The following BPIFC variants were observed in gnomAD, a reference collection of about 807,000 sequenced individuals.
The protein encoded by BPIFC is BPI fold containing family C.
BPIFC carries 60 observed loss-of-function variants against 57.6 expected under a neutral mutation model. That is an observed-to-expected ratio of 1.04 (90% CI 0.85 to 1.29). The LOEUF (loss-of-function observed/expected upper bound fraction) is 1.29. Among genes scored for constraint, BPIFC ranks in the 50% most tolerant of loss-of-function variants. BPIFC has a pLI of 0.00. For synonymous variants in BPIFC, 243 were observed against 224.5 expected (o/e 1.08, Z -0.74); for missense variants, 581 against 600.5 (o/e 0.97, Z 0.34).
intron 14 of BPIFC, among the ~76,000 whole-genome samples, chr22:32,417,451 G>A (rs1933715496): frequency 6.6e-6 from 1 of 152,176 alleles, no homozygotes; most frequent in Non-Finnish European, 1.5e-5. Flanking sequence ...AGGATTACAG[G>A]TGGGAGCCAC....
chr22:32,460,571 A>T (rs545808751), intron 2 of BPIFC, among the ~76,000 whole-genome samples: 130 of 152,232 alleles, frequency 8.5e-4, no homozygotes, highest in African/African-American at 3.1e-3. Context: ...ATCCAGCCAA[A>T]CTGAACTACT....
chr22:32,431,531 T>G (rs1456972090), intron 12 of BPIFC, 117 bp from the exon 13 acceptor site: 2 of 693,152 alleles, frequency 2.9e-6, no homozygotes, highest in Non-Finnish European at 4.9e-6. Context: ...TGTAAAGACA[T>G]TGGAAGTCTA....
intron 3 of BPIFC, 143 bp downstream of exon 3, chr22:32,457,120 G>T: frequency 1.1e-6 from 1 of 912,858 alleles, no homozygotes; most frequent in Non-Finnish European, 1.6e-6. Context: ...AGCCATCTTA[G>T]CAGTTTCTGC....
intron 10 of BPIFC, among the ~76,000 whole-genome samples, chr22:32,434,667 A>G (rs1219290497): frequency 6.6e-6 from 1 of 152,164 alleles, no homozygotes; most frequent in African/African-American, 2.4e-5. Context: ...TGCTTAAGGA[A>G]TTTACCTTCA....
intron 10 of BPIFC, 54 bp downstream of exon 10, chr22:32,435,650 T>C (rs1934368688): frequency 6.5e-7 from 1 of 1,549,238 alleles, no homozygotes. Flanking sequence ...ATAGGATACT[T>C]ATAAAAAGGC....
intron 8 of BPIFC, among the ~76,000 whole-genome samples, chr22:32,439,406 C>T (rs1036299721): frequency 6.6e-6 from 1 of 151,998 alleles, no homozygotes; most frequent in African/African-American, 2.4e-5. Flanking sequence ...TCAGGTTTCC[C>T]ACTCGGCTTT....
chr22:32,455,603 C>T (rs925707094), intron 3 of BPIFC, among the ~76,000 whole-genome samples: 1 of 152,032 alleles, frequency 6.6e-6, no homozygotes, highest in Non-Finnish European at 1.5e-5. Context: ...GTAACTTGCC[C>T]GAGAGCCCAC....
At chr22:32,458,467 T>C (rs1430172167) in intron 2 of BPIFC, among the ~76,000 whole-genome samples, 1 of 152,236 alleles carries the variant, frequency 6.6e-6, no homozygotes, top group Non-Finnish European at 1.5e-5. Context: ...CTTTATTTTC[T>C]CCAAAGCACT....
chr22:32,438,989 GAAGTC>G (rs1237072325), intron 8 of BPIFC, among the ~76,000 whole-genome samples: 1 of 152,128 alleles, frequency 6.6e-6, no homozygotes, highest in African/African-American at 2.4e-5. Context: ...GAATAAAGCA[GAAGTC>G]AAGGGGACCA....
chr22:32,433,764 G>T lies in BPIFC; in HGVS notation c.933C>A (p.Asn311Lys). Residue 311 changes from asparagine to lysine, a missense_variant, in exon 11 of 17, where the codon AAC becomes AAA. By Grantham distance (94) the Asn-to-Lys change is moderately conservative. Coordinates refer to ENST00000300399, the MANE Select transcript of BPIFC (RefSeq NM_174932.3). ...NVTLSTEEISNHFVQNSQGLG... is the reference protein window; with the variant it reads ...NVTLSTEEISKHFVQNSQGLG... Reference sequence around the variant, plus strand: ...GGCCTTGAGAGTTTTGAACAAAATGGTTGGAAATCTGGAAAATAAAGCCCA... The same window carrying T: ...GGCCTTGAGAGTTTTGAACAAAATGTTTGGAAATCTGGAAAATAAAGCCCA... 6.2e-7 allele frequency: 1 copy of T among 1,613,862 alleles called. No homozygotes were observed. Among genetic ancestry groups the T allele is most frequent in the South Asian group, 1.1e-5 (1 of 91,076 alleles).
intron 7 of BPIFC, among the ~76,000 whole-genome samples, chr22:32,443,031 G>C (rs947154124): frequency 2.6e-5 from 4 of 152,186 alleles, no homozygotes; most frequent in African/African-American, 4.8e-5. Context: ...ATGCGTCCCA[G>C]TCCATGCTGT....
intron 2 of BPIFC, among the ~76,000 whole-genome samples, chr22:32,459,353 AC>A (rs1193989943): frequency 6.6e-6 from 1 of 152,054 alleles, no homozygotes; most frequent in Non-Finnish European, 1.5e-5. Context: ...ACATGGCAGG[AC>A]CCCATCTCTA....
chr22:32,442,600 G>C (rs1934595175), intron 8 of BPIFC, 71 bp downstream of exon 8: 1 of 1,492,592 alleles, frequency 6.7e-7, no homozygotes, highest in African/African-American at 1.4e-5. Flanking sequence ...GCCTTGAAAA[G>C]CAAACCCAGG....
At chr22:32,463,314 G>T (rs1935201688) in intron 1 of BPIFC, among the ~76,000 whole-genome samples, 1 of 152,122 alleles carries the variant, frequency 6.6e-6, no homozygotes, top group African/African-American at 2.4e-5. Context: ...CCTGTTAAAA[G>T]GATCCAAGAT....
chr22:32,453,513 A>G lies in BPIFC; in HGVS notation c.125-10T>C, dbSNP rs1252054586. 6.4e-7 allele frequency: 1 copy of G among 1,569,764 alleles called. No homozygotes were observed. The highest frequency in any genetic ancestry group is 2.1e-5 in the Admixed American group (1 of 48,294). Reference sequence around the variant, plus strand: ...ATTCCAGCTTGAACACCTGTGAAGGAAACAAGAAAGAATCTGTTGATAATG... The same window carrying G: ...ATTCCAGCTTGAACACCTGTGAAGGGAACAAGAAAGAATCTGTTGATAATG... On this transcript the variant is annotated splice_polypyrimidine_tract_variant and intron_variant, in intron 3 of 16. Transcript: ENST00000300399.
intron 16 of BPIFC, 98 bp downstream of exon 16, chr22:32,415,817 A>G: frequency 1.2e-6 from 1 of 838,194 alleles, no homozygotes; most frequent in Non-Finnish European, 1.7e-6. Context: ...AAGCAGGACA[A>G]AAACAAACAA....
chr22:32,433,523 A>C (rs1173929800), intron 11 of BPIFC, among the ~76,000 whole-genome samples, 196 bp downstream of exon 11: 1 of 152,144 alleles, frequency 6.6e-6, no homozygotes, highest in Non-Finnish European at 1.5e-5. Flanking sequence ...TTACAATTAT[A>C]CTCTCACTTG....
At chr22:32,461,485 G>T in intron 2 of BPIFC, 89 bp downstream of exon 2, 2 of 644,592 alleles carry the variant, frequency 3.1e-6, no homozygotes, top group Non-Finnish European at 3.9e-6. Context: ...GAAATGTGGT[G>T]AGTGGGATAA....
At chr22:32,448,654 G>A (rs1934800394) in intron 4 of BPIFC, among the ~76,000 whole-genome samples, 1 of 151,942 alleles carries the variant, frequency 6.6e-6, no homozygotes, top group African/African-American at 2.4e-5. Context: ...AAATTATTAT[G>A]AACAGCTGGG....
Sources: allele counts gnomAD v4.1 joint callset (sites outside exome capture counted in the v4.1 genomes callset), GRCh38; gene constraint gnomAD v4.1.1; transcripts MANE v1.5; gene names NCBI Gene and HGNC (gene_info 2026-07-23, HGNC 2026-07-21).